The following AGBL4 variants were observed in gnomAD, a reference collection of about 807,000 sequenced individuals.
AGBL4 encodes the protein cytosolic carboxypeptidase 6.
AGBL4 carries 58 observed loss-of-function variants against 66.4 expected under a neutral mutation model. That is an observed-to-expected ratio of 0.87 (90% CI 0.71 to 1.09). AGBL4 has a LOEUF of 1.09. Ranked by LOEUF, AGBL4 falls within the 50% of genes least tolerant of loss-of-function variation. The pLI is 0.00. For synonymous variants in AGBL4, 234 were observed against 222.9 expected (o/e 1.05, Z -0.44); for missense variants, 579 against 631.0 (o/e 0.92, Z 0.88).
At chr1:49,267,035 G>A (rs1481092123) in intron 3 of AGBL4, among the ~76,000 whole-genome samples, 1 of 152,106 alleles carries the variant, frequency 6.6e-6, no homozygotes, top group Non-Finnish European at 1.5e-5. Context: ...GAGAAAACAA[G>A]CAAGTAAACA....
chr1:49,768,310 C>G (rs1643952682), intron 2 of AGBL4, among the ~76,000 whole-genome samples: 1 of 152,154 alleles, frequency 6.6e-6, no homozygotes, highest in Admixed American at 6.5e-5. Context: ...AGCTGCACAT[C>G]AAAATGTTAA....
intron 6 of AGBL4, among the ~76,000 whole-genome samples, chr1:48,780,231 C>A (rs1228972388): frequency 2.0e-5 from 3 of 146,888 alleles, no homozygotes; most frequent in South Asian, 4.5e-4. Context: ...TTCCCCTCCC[C>A]GTATCTATGT....
intron 4 of AGBL4, among the ~76,000 whole-genome samples, chr1:49,056,037 C>G (rs544917065): frequency 6.6e-6 from 1 of 152,016 alleles, no homozygotes; most frequent in South Asian, 2.1e-4. Flanking sequence ...CCTGACATGC[C>G]CCAAATCTGG....
chr1:49,836,177 A>C (rs188740782), intron 2 of AGBL4, among the ~76,000 whole-genome samples: 4 of 152,122 alleles, frequency 2.6e-5, no homozygotes, highest in Non-Finnish European at 4.4e-5. Flanking sequence ...GTGTTTTCCA[A>C]CTTGGTTCCA....
intron 2 of AGBL4, among the ~76,000 whole-genome samples, chr1:49,741,190 T>G (rs890618149): frequency 6.6e-6 from 1 of 151,958 alleles, no homozygotes; most frequent in Non-Finnish European, 1.5e-5. Context: ...AAGAATCAAA[T>G]AGATGCAATA....
intron 2 of AGBL4, among the ~76,000 whole-genome samples, chr1:49,707,151 G>A (rs1431731289): frequency 6.6e-6 from 1 of 152,034 alleles, no homozygotes; most frequent in Non-Finnish European, 1.5e-5. Context: ...GGGTGTTAAA[G>A]TCTCCCACTA....
At chr1:49,226,625 C>T (rs527691125) in intron 4 of AGBL4, among the ~76,000 whole-genome samples, 1 of 152,248 alleles carries the variant, frequency 6.6e-6, no homozygotes, top group East Asian at 1.9e-4. Context: ...CCTGCTTGTC[C>T]TTCAATAATA....
chr1:48,813,591 T>C (rs1187591567), intron 6 of AGBL4, among the ~76,000 whole-genome samples: 2 of 152,194 alleles, frequency 1.3e-5, no homozygotes, highest in Non-Finnish European at 2.9e-5. Context: ...GTTTACTATA[T>C]CTACAACCTG....
chr1:48,665,333 A>G (rs60728938), intron 6 of AGBL4, among the ~76,000 whole-genome samples: 1,932 of 152,324 alleles, frequency 0.013, 18 homozygotes, highest in African/African-American at 0.022. Context: ...AGAAACTGCA[A>G]CTTCCATGGG....
intron 6 of AGBL4, among the ~76,000 whole-genome samples, chr1:48,690,705 G>T (rs17104664): frequency 0.081 from 12,314 of 152,052 alleles, 1,575 homozygotes; most frequent in African/African-American, 0.28. Context: ...AATCAATGTT[G>T]GAAATCTATC....
chr1:49,790,363 CAA>C (rs11313463), intron 2 of AGBL4, among the ~76,000 whole-genome samples: 160 of 98,968 alleles, frequency 1.6e-3, no homozygotes, highest in Middle Eastern at 9.9e-3. Context: ...GATTCTATCT[CAA>C]AAAAAAAAAA....
At chr1:48,618,985 G>T (rs1217341448) in intron 9 of AGBL4, among the ~76,000 whole-genome samples, 2 of 151,896 alleles carry the variant, frequency 1.3e-5, no homozygotes, top group African/African-American at 4.8e-5. Flanking sequence ...TCCTTTCTAG[G>T]TTGGCTGCTT....
chr1:48,921,636 A>G (rs1654086356), intron 5 of AGBL4, among the ~76,000 whole-genome samples: 1 of 152,206 alleles, frequency 6.6e-6, no homozygotes, highest in African/African-American at 2.4e-5. Context: ...TAATATTAAC[A>G]GTATAATCAT....
At chr1:49,266,608 AACACACAC>A (rs71307610) in intron 3 of AGBL4, among the ~76,000 whole-genome samples, 4 of 149,642 alleles carry the variant, frequency 2.7e-5, no homozygotes, top group African/African-American at 7.4e-5. Context: ...ATAAACCTGT[AACACACAC>A]ACACACACAC....
chr1:48,905,712 C>T (rs1056562336), intron 5 of AGBL4, among the ~76,000 whole-genome samples: 2 of 152,066 alleles, frequency 1.3e-5, no homozygotes, highest in Non-Finnish European at 2.9e-5. Context: ...AAGTTCAGGC[C>T]CACCTAGACT....
At chr1:49,869,304 T>C (rs746285576) in intron 1 of AGBL4, among the ~76,000 whole-genome samples, 2 of 152,216 alleles carry the variant, frequency 1.3e-5, no homozygotes, top group African/African-American at 2.4e-5. Flanking sequence ...TGCATGTTCA[T>C]TGCAGCACTA....
intron 9 of AGBL4, among the ~76,000 whole-genome samples, chr1:48,600,563 T>TA (rs897752129): frequency 1.3e-5 from 2 of 152,166 alleles, no homozygotes; most frequent in African/African-American, 4.8e-5. Flanking sequence ...CAGTACTTCT[T>TA]AAGTATGGTT....
intron 9 of AGBL4, among the ~76,000 whole-genome samples, chr1:48,631,464 C>T (rs932413511): frequency 1.3e-5 from 2 of 152,186 alleles, no homozygotes; most frequent in Non-Finnish European, 2.9e-5. Flanking sequence ...AGTCTTGGCT[C>T]ACTGCAACCT....
chr1:49,270,693 C>A (rs2148385460), intron 3 of AGBL4, among the ~76,000 whole-genome samples: 1 of 152,162 alleles, frequency 6.6e-6, no homozygotes, highest in Non-Finnish European at 1.5e-5. Context: ...ACCTATTTTT[C>A]TAAACCTAGA....
Sources: allele counts gnomAD v4.1 joint callset (sites outside exome capture counted in the v4.1 genomes callset), GRCh38; gene constraint gnomAD v4.1.1; transcripts MANE v1.5; gene names NCBI Gene and HGNC (gene_info 2026-07-23, HGNC 2026-07-21).